TP53INP2: variants seen among roughly 807,000 people sequenced by gnomAD.
The protein encoded by TP53INP2 is tumor protein p53 inducible nuclear protein 2.
In TP53INP2, 12 loss-of-function variants were observed where a neutral mutation model predicts 17.1. The observed-to-expected ratio is 0.70, with a 90% confidence interval of 0.45 to 1.14. The LOEUF (loss-of-function observed/expected upper bound fraction) is 1.14. TP53INP2 is among the 50% of genes most tolerant of loss of function. TP53INP2 has a pLI of 0.00. For missense variants in TP53INP2, 342 were observed against 330.9 expected, an observed-to-expected ratio of 1.03 and a Z score of -0.26; for synonymous variants, 145 against 147.3, an observed-to-expected ratio of 0.98 and a Z score of 0.12.
Position 34,709,845 on chromosome 20 carries a change from G to C in TP53INP2, c.414-213G>C, listed in dbSNP as rs999742701. Among the ~76,000 whole-genome samples, 8 of 152,136 alleles carry C rather than the reference G, an allele frequency of 5.3e-5. No individual in the cohort carries two copies. Among genetic ancestry groups the C allele is most frequent in the African/African-American group, 1.9e-4 (8 of 41,432 alleles). ...AACAGAAAGGCAAGGGTGGAATAGG[G>C]GGTGGGGGTCCAGTCTCCCCCGAGG... On this transcript the variant is annotated intron_variant, in intron 4 of 4. Transcript: ENST00000374810. This position sits in a 1 kb window ranked among gnomAD's most constrained non-coding sequence, Gnocchi z 5.4.
At chr20:34,708,620 G>C in intron 2 of TP53INP2, 71 bp from the exon 3 acceptor site, 1 of 876,730 alleles carries the variant, frequency 1.1e-6, no homozygotes, top group Admixed American at 2.3e-5. Flanking sequence ...GATATCTTCT[G>C]GCCTCTTCCC....
In TP53INP2 at chr20:34,709,926, C is replaced by A; in HGVS notation, c.414-132C>A. ...GGAGGCACCTCCGGGTTGGTACCCA[C>A]AAGAAGGGCGTCGGGCACCCCAATC... On this transcript the variant is annotated intron_variant, in intron 4 of 4. Transcript: ENST00000374810. The surrounding 1 kb of genome is among the most constrained non-coding windows in gnomAD (Gnocchi z 5.4). 3.4e-6 allele frequency: 4 copies of A among 1,161,312 alleles called. No individual in the cohort carries two copies. The highest frequency in any genetic ancestry group is 4.5e-6 in the Non-Finnish European group (4 of 891,610). The allele number at this position is 1,161,312 out of a possible 1,614,324, so 71.9% of individuals were successfully genotyped here.
chr20:34,712,908 G>A lies in TP53INP2; in HGVS notation c.*2601G>A, dbSNP rs1988242828. The A allele has an allele frequency of 6.6e-6, 1 of 152,510 alleles. No individual in the cohort carries two copies. The highest frequency in any genetic ancestry group is 2.4e-5 in the African/African-American group (1 of 41,428). 9.4% of individuals were successfully genotyped at this position (152,510 alleles called of 1,614,324 possible). A position where few individuals can be genotyped will look rare whatever the true frequency, so the allele number is the denominator to read the frequency against. ...AGTTATTCCCCAGTAAGTCTGAGTG[G>A]TTCCTTCAAGCTGGGTGTCTTTCCA... On this transcript the variant is annotated 3_prime_UTR_variant, in exon 5 of 5. Transcript: ENST00000374810.
chr20:34,709,211 A>G lies in TP53INP2; in HGVS notation c.125-25A>G, dbSNP rs1247870332. 2 of 1,532,556 alleles carry G rather than the reference A, an allele frequency of 1.3e-6. No homozygotes were observed. Among genetic ancestry groups the G allele is most frequent in the Middle Eastern group, 2.2e-4 (1 of 4,632 alleles). The allele number at this position is 1,532,556 out of a possible 1,614,324, so 94.9% of individuals were successfully genotyped here. On this transcript the variant is annotated intron_variant, in intron 3 of 4. Transcript: ENST00000374810. The surrounding 1 kb of genome is among the most constrained non-coding windows in gnomAD (Gnocchi z 5.4). ...CCTCCTCGCTGCTCCCCTCCTCTGC[A>G]CGGCTCCCATCCCGCGCCCCGTAGA...
chr20:34,709,177 GTGT>G lies in TP53INP2; in HGVS notation c.125-58_125-56del. The G allele has an allele frequency of 6.7e-7, 1 of 1,492,868 alleles. No individual in the cohort carries two copies. The highest frequency in any genetic ancestry group is 8.9e-7 in the Non-Finnish European group (1 of 1,121,112). 92.5% of individuals were successfully genotyped at this position (1,492,868 alleles called of 1,614,324 possible). On this transcript the variant is annotated intron_variant, in intron 3 of 4. Transcript: ENST00000374810. The surrounding 1 kb of genome is among the most constrained non-coding windows in gnomAD (Gnocchi z 5.4). The stretch of plus-strand genomic sequence containing the variant: ...CCTTGTCCGGTGTGTGTGTGTGTGT[GTGT>G]GTGTGCCTCCTCGCTGCTCCCCTCC...
chr20:34,709,369 C>T lies in TP53INP2; in HGVS notation c.258C>T (p.Leu86=), dbSNP rs200590557. 2.7e-5 allele frequency: 44 copies of T among 1,613,712 alleles called. No individual in the cohort carries two copies. The African/African-American group carries it at 5.1e-4, about 19-fold the overall frequency. ...PACFTAEGPG[L]GPARLQSSPL... ...GTTTTACGGCAGAGGGGCCTGGACT[C>T]GGTCCCGCCCGCCTCCAGAGCAGTC... Residue 86 remains leucine (L), a synonymous_variant, in exon 4 of 5, where the codon CTC becomes CTT. Transcript: ENST00000374810. The surrounding 1 kb of genome is among the most constrained non-coding windows in gnomAD (Gnocchi z 5.4).
chr20:34,707,295 A>T (rs1988025234), intron 2 of TP53INP2, among the ~76,000 whole-genome samples: 1 of 152,202 alleles, frequency 6.6e-6, no homozygotes, highest in Admixed American at 6.5e-5. Context: ...GCCTGCCGGC[A>T]TGCCATCTTT....
intron 2 of TP53INP2, 93 bp from the exon 3 acceptor site, chr20:34,708,598 T>C (rs1390187031): frequency 1.5e-6 from 1 of 687,098 alleles, no homozygotes; most frequent in Non-Finnish European, 2.4e-6. Context: ...CCCTTCTCCC[T>C]GCTCTGGGGG....
In TP53INP2 at chr20:34,709,651, G is replaced by A; in HGVS notation, c.413+127G>A. The stretch of plus-strand genomic sequence containing the variant: ...GCGCTCGAGGGGGTAGCGGCCTTGG[G>A]AGGGTTGCCTTTGAGACAAAGTGGG... On this transcript the variant is annotated intron_variant, in intron 4 of 4. Coordinates refer to ENST00000374810, the MANE Select transcript of TP53INP2 (RefSeq NM_021202.3). This position sits in a 1 kb window ranked among gnomAD's most constrained non-coding sequence, Gnocchi z 5.4. The A allele has an allele frequency of 6.9e-7, 1 of 1,438,896 alleles. No individual in the cohort carries two copies. The highest frequency in any genetic ancestry group is 2.5e-5 in the East Asian group (1 of 39,860). The allele number at this position is 1,438,896 out of a possible 1,614,324, so 89.1% of individuals were successfully genotyped here.
rs1988056136 is a variant in TP53INP2, at chr20:34,708,684, T to G, written c.-49-7T>G. 1.3e-6 allele frequency: 2 copies of G among 1,534,206 alleles called. No homozygotes were observed. Among genetic ancestry groups the G allele is most frequent in the Admixed American group, 2.0e-5 (1 of 50,788 alleles). On this transcript the variant is annotated splice_region_variant and splice_polypyrimidine_tract_variant and intron_variant, in intron 2 of 4. Transcript: ENST00000374810. ...AGTGGTGGCTCTCACGTCCTTCTGA[T>G]TCCCAGGTTTTTGCACTGCCATAGG... is the stretch of plus-strand genomic sequence containing the variant.
rs1051892386 is a variant in TP53INP2, at chr20:34,708,984, T to C, written c.124+121T>C. ...TCCCCCAAGCCTACTGGAGGTGGGG[T>C]CACGGGGCCCCTTCCCATGAAAGCC... is the stretch of plus-strand genomic sequence containing the variant. On this transcript the variant is annotated intron_variant, in intron 3 of 4. Transcript: ENST00000374810. 3 of 1,460,120 alleles carry C rather than the reference T, an allele frequency of 2.1e-6. No homozygotes were observed. In the African/African-American group the frequency reaches 4.2e-5, roughly 21 times the overall value. 90.4% of individuals were successfully genotyped at this position (1,460,120 alleles called of 1,614,324 possible). A position where few individuals can be genotyped will look rare whatever the true frequency, so the allele number is the denominator to read the frequency against.
chr20:34,710,331 C>A lies in TP53INP2; in HGVS notation c.*24C>A. ...GAGCGTCCACCGGCCGCGCCACGAA[C>A]CCCTTGCCGATCCCGATCCCTGTCG... On this transcript the variant is annotated 3_prime_UTR_variant, in exon 5 of 5. Transcript: ENST00000374810. The surrounding 1 kb of genome is among the most constrained non-coding windows in gnomAD (Gnocchi z 4.9). 1 of 1,334,760 alleles carries A rather than the reference C, an allele frequency of 7.5e-7. No individual in the cohort carries two copies. Among genetic ancestry groups the A allele is most frequent in the Admixed American group, 3.1e-5 (1 of 32,510 alleles). The allele number at this position is 1,334,760 out of a possible 1,614,324, so 82.7% of individuals were successfully genotyped here.
intron 2 of TP53INP2, among the ~76,000 whole-genome samples, chr20:34,705,972 GC>G (rs1420019320): frequency 6.6e-6 from 1 of 152,142 alleles, no homozygotes; most frequent in Non-Finnish European, 1.5e-5. Context: ...TTCACTCCTG[GC>G]TGTCACTGAC....
intron 2 of TP53INP2, among the ~76,000 whole-genome samples, chr20:34,706,722 C>T (rs895974036): frequency 6.6e-6 from 1 of 152,202 alleles, no homozygotes; most frequent in Non-Finnish European, 1.5e-5. Flanking sequence ...AGTGTGAAAA[C>T]ATTTCTAGGG....
chr20:34,706,335 C>A (rs1251525319), intron 2 of TP53INP2, among the ~76,000 whole-genome samples: 1 of 152,176 alleles, frequency 6.6e-6, no homozygotes, highest in Non-Finnish European at 1.5e-5. Flanking sequence ...TGTCTTCTTT[C>A]TGATCATCAG....
rs1225199783 is a variant in TP53INP2, at chr20:34,709,322, T to C, written c.211T>C (p.Trp71Arg). 2 of 1,612,934 alleles carry C rather than the reference T, an allele frequency of 1.2e-6. No individual in the cohort carries two copies. The highest frequency in any genetic ancestry group is 1.3e-5 in the African/African-American group (1 of 74,796). The stretch of plus-strand genomic sequence containing the variant: ...CGCGCCCTCCTTGATGGACGAGAGC[T>C]GGTTTGTTACCCCTCCCGCCTGTTT... The part of the protein sequence containing the change: ...PPAPSLMDES[W>R]FVTPPACFTA... Residue 71 changes from tryptophan (W) to arginine (R), a missense_variant, in exon 4 of 5, where the codon TGG becomes CGG. Trp to Arg is a moderately radical substitution (Grantham distance 101). Transcript: ENST00000374810. The surrounding 1 kb of genome is among the most constrained non-coding windows in gnomAD (Gnocchi z 5.4).
At position 34,712,540 on chromosome 20, in the gene TP53INP2, T is replaced by C. The variant is rs1988228967; in HGVS notation, c.*2233T>C. ...AGTGTGGCAATATTTTAATTGTGTA[T>C]AGATTTCTAAGAACCAACACTACTC... is the stretch of plus-strand genomic sequence containing the variant. On this transcript the variant is annotated 3_prime_UTR_variant, in exon 5 of 5. Transcript: ENST00000374810. 6.6e-6 allele frequency: 1 copy of C among 152,650 alleles called. No individual in the cohort carries two copies. The highest frequency in any genetic ancestry group is 6.5e-5 in the Admixed American group (1 of 15,278). 9.5% of individuals were successfully genotyped at this position (152,650 alleles called of 1,614,324 possible).
rs760129169 is a variant in TP53INP2 at position 34,710,359 on chromosome 20, C to T, written c.*52C>T. On this transcript the variant is annotated 3_prime_UTR_variant, in exon 5 of 5. Coordinates refer to ENST00000374810, the MANE Select transcript of TP53INP2 (RefSeq NM_021202.3). This position sits in a 1 kb window ranked among gnomAD's most constrained non-coding sequence, Gnocchi z 4.9. ...CTTGCCGATCCCGATCCCTGTCGGG[C>T]TCCTCCGACTCCTCGGGCTGGACAC... 2 of 1,273,020 alleles carry T rather than the reference C, an allele frequency of 1.6e-6. No homozygotes were observed. Among genetic ancestry groups the T allele is most frequent in the Non-Finnish European group, 2.0e-6 (2 of 1,003,424 alleles). The allele number at this position is 1,273,020 out of a possible 1,614,324, so 78.9% of individuals were successfully genotyped here. A position where few individuals can be genotyped will look rare whatever the true frequency, so the allele number is the denominator to read the frequency against.
Position 34,709,420 on chromosome 20 carries a change from C to T in TP53INP2, c.309C>T (p.His103=), listed in dbSNP as rs771885389. The T allele has an allele frequency of 6.2e-7, 1 of 1,613,910 alleles. No homozygotes were observed. Among genetic ancestry groups the T allele is most frequent in the Non-Finnish European group, 8.5e-7 (1 of 1,179,878 alleles). Residue 103 remains histidine, a synonymous_variant, in exon 4 of 5, where the codon CAC becomes CAT. Coordinates refer to ENST00000374810, the MANE Select transcript of TP53INP2 (RefSeq NM_021202.3). This position sits in a 1 kb window ranked among gnomAD's most constrained non-coding sequence, Gnocchi z 5.4. ...SSPLEDLLIE[H]PSMSVYVTGS... Reference sequence around the variant, plus strand: ...CCCTGGAGGACCTCCTCATCGAGCACCCCAGCATGTCCGTTTACGTCACCG... The same window carrying T: ...CCCTGGAGGACCTCCTCATCGAGCATCCCAGCATGTCCGTTTACGTCACCG...
Sources: allele counts gnomAD v4.1 joint callset (sites outside exome capture counted in the v4.1 genomes callset), GRCh38; gene constraint gnomAD v4.1.1; non-coding constraint Gnocchi (gnomAD v3.1); transcripts MANE v1.5; gene names NCBI Gene and HGNC (gene_info 2026-07-23, HGNC 2026-07-21).